LRRC7: variants seen among roughly 807,000 people sequenced by gnomAD.
LRRC7 encodes leucine-rich repeat-containing protein 7.
LRRC7 carries 23 observed loss-of-function variants against 175.7 expected under a neutral mutation model. The observed-to-expected ratio is 0.13, with a 90% confidence interval of 0.09 to 0.19. The LOEUF is 0.19. Ranked by LOEUF, LRRC7 falls within the 10% of genes least tolerant of loss-of-function variation. The pLI, the probability that LRRC7 is intolerant of heterozygous loss-of-function variation, is 1.00. For missense variants in LRRC7, 1,354 were observed against 1,904.7 expected, an observed-to-expected ratio of 0.71 and a Z score of 5.38; for synonymous variants, 685 against 680.9, an observed-to-expected ratio of 1.01 and a Z score of -0.09.
chr1:69,676,006 TGC>T (rs1491480702), intron 1 of LRRC7, among the ~76,000 whole-genome samples: 4 of 88,154 alleles, frequency 4.5e-5, no homozygotes, highest in Admixed American at 2.4e-4. Context: ...TATGAGTGCA[TGC>T]ACACACACAC....
chr1:69,921,334 TACAC>T (rs1331778007), intron 7 of LRRC7, among the ~76,000 whole-genome samples: 1 of 151,746 alleles, frequency 6.6e-6, no homozygotes, highest in Non-Finnish European at 1.5e-5. Flanking sequence ...GACACACACA[TACAC>T]ACACACAAAC....
intron 1 of LRRC7, among the ~76,000 whole-genome samples, chr1:69,600,356 C>CA (rs1313037917): frequency 6.6e-6 from 1 of 152,106 alleles, no homozygotes; most frequent in African/African-American, 2.4e-5. Flanking sequence ...ATCTTGTTGC[C>CA]ATAGGCTCCT....
intron 7 of LRRC7, among the ~76,000 whole-genome samples, chr1:69,845,714 G>A (rs1313016734): frequency 6.6e-6 from 1 of 151,948 alleles, no homozygotes; most frequent in East Asian, 1.9e-4. Flanking sequence ...CTATTTTAAT[G>A]AAATACATCA....
chr1:70,116,151 A>G (rs1052305533), intron 26 of LRRC7, among the ~76,000 whole-genome samples: 24 of 152,236 alleles, frequency 1.6e-4, no homozygotes, highest in African/African-American at 4.6e-4. Flanking sequence ...TTTCTATTCA[A>G]ATAATTCAGT....
At chr1:70,088,750 G>A (rs1663798718) in intron 24 of LRRC7, among the ~76,000 whole-genome samples, 2 of 151,908 alleles carry the variant, frequency 1.3e-5, no homozygotes, top group African/African-American at 4.8e-5. Context: ...GAATTCTTAG[G>A]TTTGTTAGAG....
chr1:69,857,770 C>A lies in LRRC7; in HGVS notation c.647+19487C>A, dbSNP rs535456376. Among the ~76,000 whole-genome samples the A allele has an allele frequency of 3.3e-5, 5 of 152,226 alleles. No homozygotes were observed. The South Asian group carries it at 1.0e-3, about 32-fold the overall frequency. The stretch of plus-strand genomic sequence containing the variant: ...AATTGGAAAAAGCTACTTTAAAGTT[C>A]ATATGGAACCAAAAAAGAGCCCACA... On this transcript the variant is annotated intron_variant, in intron 7 of 26. Coordinates refer to ENST00000651989, the MANE Select transcript of LRRC7 (RefSeq NM_001370785.2).
At chr1:69,579,889 C>T (rs1413498677) in intron 1 of LRRC7, among the ~76,000 whole-genome samples, 1 of 151,608 alleles carries the variant, frequency 6.6e-6, no homozygotes, top group South Asian at 2.1e-4. Flanking sequence ...CTGCCTTCGC[C>T]TCCCAAAGTG....
intron 7 of LRRC7, among the ~76,000 whole-genome samples, chr1:69,921,541 T>C (rs1383365372): frequency 6.6e-6 from 1 of 152,180 alleles, no homozygotes; most frequent in African/African-American, 2.4e-5. Context: ...ATCCAATCAG[T>C]CATCATCATT....
intron 8 of LRRC7, among the ~76,000 whole-genome samples, chr1:69,972,859 G>T (rs1386144293): frequency 1.3e-5 from 2 of 150,318 alleles, no homozygotes; most frequent in Admixed American, 1.3e-4. Context: ...CAAAAACATG[G>T]AACCAACCCG....
chr1:69,697,425 A>C (rs186015024), intron 2 of LRRC7, among the ~76,000 whole-genome samples: 1 of 152,210 alleles, frequency 6.6e-6, no homozygotes, highest in Non-Finnish European at 1.5e-5. Context: ...AAGCACTTGC[A>C]ACTACTTTTC....
intron 7 of LRRC7, among the ~76,000 whole-genome samples, chr1:69,888,135 G>A (rs573482718): frequency 1.4e-5 from 2 of 142,808 alleles, no homozygotes; most frequent in Admixed American, 7.0e-5. Context: ...TTGAGCTGTG[G>A]TGGGCTCCAC....
chr1:69,808,482 C>A (rs533845913), intron 4 of LRRC7, among the ~76,000 whole-genome samples: 85 of 152,168 alleles, frequency 5.6e-4, no homozygotes, highest in African/African-American at 2.0e-3. Flanking sequence ...CCACATTGCA[C>A]TTATTCTAAA....
chr1:69,981,163 A>T (rs927701234), intron 9 of LRRC7, among the ~76,000 whole-genome samples: 1 of 152,176 alleles, frequency 6.6e-6, no homozygotes. Context: ...CGCAAACACA[A>T]GTCTCCCTAT....
intron 1 of LRRC7, among the ~76,000 whole-genome samples, chr1:69,626,476 G>A (rs1183518074): frequency 6.6e-6 from 1 of 151,262 alleles, no homozygotes; most frequent in Admixed American, 6.6e-5. Context: ...AATGAAAGCA[G>A]ATTTTTAAAT....
At chr1:69,968,332 A>T (rs539725631) in intron 8 of LRRC7, among the ~76,000 whole-genome samples, 3 of 152,154 alleles carry the variant, frequency 2.0e-5, no homozygotes, top group Non-Finnish European at 2.9e-5. Flanking sequence ...CCTAAGAATA[A>T]TGTATTCCTG....
At chr1:69,832,926 G>A (rs577035307) in intron 5 of LRRC7, among the ~76,000 whole-genome samples, 50 of 152,152 alleles carry the variant, frequency 3.3e-4, no homozygotes, top group Middle Eastern at 3.4e-3. Context: ...CCAACATGGC[G>A]AAACCCTGTC....
intron 7 of LRRC7, among the ~76,000 whole-genome samples, chr1:69,886,894 T>C (rs560980182): frequency 6.6e-6 from 1 of 152,016 alleles, no homozygotes; most frequent in East Asian, 1.9e-4. Flanking sequence ...TTTGGCTGGA[T>C]ATGAAATTCT....
At chr1:70,098,232 A>G (rs990842487) in intron 25 of LRRC7, among the ~76,000 whole-genome samples, 2 of 152,122 alleles carry the variant, frequency 1.3e-5, no homozygotes, top group African/African-American at 2.4e-5. Context: ...GCATTTTTTC[A>G]TGTGTTTTTT....
intron 7 of LRRC7, among the ~76,000 whole-genome samples, chr1:69,918,728 A>G (rs1646793026): frequency 6.6e-6 from 1 of 152,218 alleles, no homozygotes; most frequent in African/African-American, 2.4e-5. Flanking sequence ...TGGAAAATGT[A>G]GTGACAGAAT....
Sources: allele counts gnomAD v4.1 joint callset (sites outside exome capture counted in the v4.1 genomes callset), GRCh38; gene constraint gnomAD v4.1.1; transcripts MANE v1.5; gene names NCBI Gene and HGNC (gene_info 2026-07-23, HGNC 2026-07-21).